The following KCNK12 variants were observed in gnomAD, a reference collection of about 807,000 sequenced individuals.
KCNK12 encodes potassium two pore domain channel subfamily K member 12, also known as potassium channel subfamily K member 12.
A neutral mutation model predicts 25.3 loss-of-function variants in KCNK12; 6 were observed. The observed-to-expected ratio is 0.24, with a 90% CI of 0.13 to 0.47. The LOEUF (loss-of-function observed/expected upper bound fraction) is 0.47. KCNK12 is among the 20% of genes least tolerant of loss of function. KCNK12 has a pLI of 0.99. For missense variants in KCNK12, 444 were observed against 661.7 expected, an observed-to-expected ratio of 0.67 and a Z score of 3.61; for synonymous variants, 331 against 311.1, an observed-to-expected ratio of 1.06 and a Z score of -0.67.
chr2:47,515,470 A>G lies in KCNK12; in HGVS notation c.*5437T>C, dbSNP rs1257856281. Among the ~76,000 whole-genome samples, 2 of 152,230 alleles carry G rather than the reference A, an allele frequency of 1.3e-5. No individual in the cohort carries two copies. Among genetic ancestry groups the G allele is most frequent in the African/African-American group, 2.4e-5 (1 of 41,458 alleles). Reference sequence around the variant, plus strand: ...CCTCCAGCATAAATGGGTTAAAACAAGACAAAACAAAACAATACCAGAATG... The same window carrying G: ...CCTCCAGCATAAATGGGTTAAAACAGGACAAAACAAAACAATACCAGAATG... On this transcript the variant is annotated 3_prime_UTR_variant, in exon 2 of 2. Coordinates refer to ENST00000327876, the MANE Select transcript of KCNK12 (RefSeq NM_022055.2).
intron 1 of KCNK12, among the ~76,000 whole-genome samples, chr2:47,541,238 G>C (rs141604884): frequency 0.01 from 1,594 of 152,258 alleles, 11 homozygotes; most frequent in Non-Finnish European, 0.016. Context: ...AAGCCTGTTG[G>C]GAGCCTGCTA....
intron 1 of KCNK12, among the ~76,000 whole-genome samples, chr2:47,558,977 T>A (rs762954341): frequency 1.3e-5 from 2 of 152,212 alleles, no homozygotes; most frequent in African/African-American, 2.4e-5. Flanking sequence ...AGAGGTGGAA[T>A]TGAGCAGGGC....
At position 47,514,346 on chromosome 2, in the gene KCNK12, G is replaced by A. The variant is rs1280532131; in HGVS notation, c.*6561C>T. ...GGCCGTACTGCAGCGCCCTGCCCCC[G>A]TCAGCCTCCAGGAGCCTGGAGTCCA... is the stretch of plus-strand genomic sequence containing the variant. On this transcript the variant is annotated 3_prime_UTR_variant, in exon 2 of 2. Coordinates refer to ENST00000327876, the MANE Select transcript of KCNK12 (RefSeq NM_022055.2). This position sits in a 1 kb window ranked among gnomAD's most constrained non-coding sequence, Gnocchi z 5.0. Among the ~76,000 whole-genome samples, 3 of 152,174 alleles carry A rather than the reference G, an allele frequency of 2.0e-5. No homozygotes were observed. The highest frequency in any genetic ancestry group is 2.1e-4 in the South Asian group (1 of 4,832).
Position 47,570,465 on chromosome 2 carries a change from A to G in KCNK12, c.-134T>C. ...GCGGAGCCCCTCGCCGCCTTCGCAG[A>G]GCCCCTCGTCGCCTTCCCAGAGCCC... On this transcript the variant is annotated 5_prime_UTR_variant, in exon 1 of 2. Transcript: ENST00000327876. The G allele has an allele frequency of 5.2e-6, 5 of 965,140 alleles. No individual in the cohort carries two copies. Among genetic ancestry groups the G allele is most frequent in the Non-Finnish European group, 6.6e-6 (5 of 758,184 alleles). The allele number at this position is 965,140 out of a possible 1,614,324, so 59.8% of individuals were successfully genotyped here.
At chr2:47,546,710 A>G (rs958234617) in intron 1 of KCNK12, among the ~76,000 whole-genome samples, 3 of 152,206 alleles carry the variant, frequency 2.0e-5, no homozygotes, top group South Asian at 2.1e-4. Context: ...AATTACCTCA[A>G]TTTACCTACT....
intron 1 of KCNK12, among the ~76,000 whole-genome samples, chr2:47,549,026 G>C (rs954979158): frequency 3.3e-5 from 5 of 152,184 alleles, no homozygotes; most frequent in African/African-American, 9.7e-5. Context: ...ATAACAATCT[G>C]TGCAGGTACA....
At position 47,521,771 on chromosome 2, in the gene KCNK12, C is replaced by A; in HGVS notation, c.429G>T (p.Lys143Asn). ...GMTTPATVGGKAFLIAYGLFG... is the reference protein window; with the variant it reads ...GMTTPATVGGNAFLIAYGLFG... ...ACAGCCCGTAGGCGATGAGGAAGGC[C>A]TTCCCGCCCACCGTCGCGGGGGTGG... The change falls in exon 2 of 2, where the codon AAG (lysine) becomes AAT (asparagine). Residue 143 changes from lysine (K) to asparagine (N), a missense_variant. Physicochemically the swap from Lys to Asn is moderately conservative, Grantham distance 94. Coordinates refer to ENST00000327876, the MANE Select transcript of KCNK12 (RefSeq NM_022055.2). 1 of 1,536,190 alleles carries A rather than the reference C, an allele frequency of 6.5e-7. No homozygotes were observed. The highest frequency in any genetic ancestry group is 1.3e-5 in the South Asian group (1 of 77,290).
In KCNK12 at chr2:47,547,796, C is replaced by T. The variant is rs1669344316; in HGVS notation, c.391+22145G>A. ...TATTTTTAGTAGAGAGGGGGTTTCA[C>T]CGTGTTGGCCAGGCTGGTCTCGAAC... On this transcript the variant is annotated intron_variant, in intron 1 of 1. Transcript: ENST00000327876. The surrounding 1 kb of genome is among the most constrained non-coding windows in gnomAD (Gnocchi z 5.0). Among the ~76,000 whole-genome samples the T allele has an allele frequency of 6.6e-6, 1 of 152,114 alleles. No homozygotes were observed. Among genetic ancestry groups the T allele is most frequent in the African/African-American group, 2.4e-5 (1 of 41,388 alleles).
Position 47,521,342 on chromosome 2 carries a change from G to C in KCNK12, c.858C>G (p.Leu286=). The change falls in exon 2 of 2, where the codon CTC becomes CTG. Residue 286 remains leucine, a synonymous_variant. Transcript: ENST00000327876. ...YRLGNFLFIL[L]GVCCIYSLFN... is the part of the protein sequence containing the mutation. ...AGAGCGAGTAAATGCAGCACACGCC[G>C]AGCAGGATGAAGAGGAAGTTGCCCA... 1 of 1,613,576 alleles carries C rather than the reference G, an allele frequency of 6.2e-7. No individual in the cohort carries two copies. Among genetic ancestry groups the C allele is most frequent in the Non-Finnish European group, 8.5e-7 (1 of 1,179,856 alleles).
chr2:47,566,619 G>A lies in KCNK12; in HGVS notation c.391+3322C>T, dbSNP rs1302727821. 6.6e-6 allele frequency: 1 copy of A among 152,148 alleles called. No homozygotes were observed. Among genetic ancestry groups the A allele is most frequent in the Non-Finnish European group, 1.5e-5 (1 of 68,042 alleles). The allele number at this position is 152,148 out of a possible 1,614,324, so 9.4% of individuals were successfully genotyped here. A position where few individuals can be genotyped will look rare whatever the true frequency, so the allele number is the denominator to read the frequency against. On this transcript the variant is annotated intron_variant, in intron 1 of 1. Coordinates refer to ENST00000327876, the MANE Select transcript of KCNK12 (RefSeq NM_022055.2). This position sits in a 1 kb window ranked among gnomAD's most constrained non-coding sequence, Gnocchi z 4.1. ...TCTAACTTGTCTGGCCTGTAAATCTGTCTTGTCCTTCAAGTTTTCTCTGGA... is the reference window on the plus strand; with the variant it reads ...TCTAACTTGTCTGGCCTGTAAATCTATCTTGTCCTTCAAGTTTTCTCTGGA...
chr2:47,568,000 T>C (rs190804306), intron 1 of KCNK12, among the ~76,000 whole-genome samples: 36 of 152,260 alleles, frequency 2.4e-4, no homozygotes, highest in African/African-American at 8.4e-4. Flanking sequence ...GACAGATTGA[T>C]GGAGCTCATC....
chr2:47,540,525 C>T lies in KCNK12; in HGVS notation c.392-18717G>A, dbSNP rs1345318610. Among the ~76,000 whole-genome samples the T allele has an allele frequency of 3.3e-5, 5 of 152,244 alleles. No homozygotes were observed. Among genetic ancestry groups the T allele is most frequent in the African/African-American group, 9.6e-5 (4 of 41,464 alleles). ...GAAGTGCCTTCAGTCAGATTTAGCG[C>T]TCCATCTTCTGCCTTTCTGAAGGGA... is the stretch of plus-strand genomic sequence containing the variant. On this transcript the variant is annotated intron_variant, in intron 1 of 1. Transcript: ENST00000327876. The surrounding 1 kb of genome is among the most constrained non-coding windows in gnomAD (Gnocchi z 5.4).
In KCNK12 at chr2:47,548,337, A is replaced by T. The variant is rs1296184002; in HGVS notation, c.391+21604T>A. On this transcript the variant is annotated intron_variant, in intron 1 of 1. Transcript: ENST00000327876. This position sits in a 1 kb window ranked among gnomAD's most constrained non-coding sequence, Gnocchi z 4.4. ...TGAGTTCTAGACTGGCCTATCCACT[A>T]TCTAACTGGCACCCGGCTTGGAAGT... Among the ~76,000 whole-genome samples, 1 of 152,286 alleles carries T rather than the reference A, an allele frequency of 6.6e-6. No individual in the cohort carries two copies. Among genetic ancestry groups the T allele is most frequent in the East Asian group, 1.9e-4 (1 of 5,180 alleles).
At chr2:47,567,585 C>G (rs1326136463) in intron 1 of KCNK12, among the ~76,000 whole-genome samples, 5 of 152,172 alleles carry the variant, frequency 3.3e-5, no homozygotes, top group Non-Finnish European at 7.3e-5. Context: ...GAACCACTGA[C>G]CCCAGAATAT....
Position 47,516,013 on chromosome 2 carries a change from C to G in KCNK12, c.*4894G>C, listed in dbSNP as rs1024143727. ...AGTTCCTAGCCCCTCACTTATTTCT[C>G]GTAAGACCGCTGGGAGGTGGGGGGA... On this transcript the variant is annotated 3_prime_UTR_variant, in exon 2 of 2. Coordinates refer to ENST00000327876, the MANE Select transcript of KCNK12 (RefSeq NM_022055.2). Among the ~76,000 whole-genome samples, 1 of 152,108 alleles carries G rather than the reference C, an allele frequency of 6.6e-6. No homozygotes were observed. Among genetic ancestry groups the G allele is most frequent in the Non-Finnish European group, 1.5e-5 (1 of 68,012 alleles).
rs543952831 is a variant in KCNK12, at chr2:47,550,173, A to G, written c.391+19768T>C. Among the ~76,000 whole-genome samples, 186 of 152,286 alleles carry G rather than the reference A, an allele frequency of 1.2e-3. 2 individuals carry two copies. The highest frequency in any genetic ancestry group is 1.8e-3 in the Non-Finnish European group (125 of 68,030). On this transcript the variant is annotated intron_variant, in intron 1 of 1. Transcript: ENST00000327876. ...AAAAAGAGAGGATAGGGTAGCAAAA[A>G]TAATATTTGAAGCAATAATGTCAAT...
chr2:47,509,557 T>C lies in KCNK12; in HGVS notation c.*11350A>G, dbSNP rs112433265. 7.8e-3 allele frequency among the ~76,000 whole-genome samples: 1,193 copies of C among 152,340 alleles called. 10 individuals are homozygous for C. The highest frequency in any genetic ancestry group is 0.027 in the African/African-American group (1,127 of 41,568). On this transcript the variant is annotated 3_prime_UTR_variant, in exon 2 of 2. Transcript: ENST00000327876. ...GGTGCAGGATTGTGGTGTCCAGGTG[T>C]CTCTCCTTAGCACATAAGACCCTGT... is the stretch of plus-strand genomic sequence containing the variant.
At position 47,521,549 on chromosome 2, in the gene KCNK12, C is replaced by T; in HGVS notation, c.651G>A (p.Leu217=). 1 of 1,561,842 alleles carries T rather than the reference C, an allele frequency of 6.4e-7. No homozygotes were observed. The highest frequency in any genetic ancestry group is 8.7e-7 in the Non-Finnish European group (1 of 1,153,158). ...GCACGGCGAACAGGCCCAGGATGAGCAGCACGTGGTACACCGAGGGCTTCC... is the reference window on the plus strand; with the variant it reads ...GCACGGCGAACAGGCCCAGGATGAGTAGCACGTGGTACACCGAGGGCTTCC... ...AGWKPSVYHV[L]LILGLFAVLL... The change falls in exon 2 of 2, where the codon CTG becomes CTA. Residue 217 remains leucine (L), a synonymous_variant. Coordinates refer to ENST00000327876, the MANE Select transcript of KCNK12 (RefSeq NM_022055.2).
At chr2:47,552,922 G>T (rs1283448940) in intron 1 of KCNK12, among the ~76,000 whole-genome samples, 1 of 152,182 alleles carries the variant, frequency 6.6e-6, no homozygotes, top group Non-Finnish European at 1.5e-5. Context: ...CTTGTTGAGT[G>T]CCGATAACCA....
Sources: allele counts gnomAD v4.1 joint callset (sites outside exome capture counted in the v4.1 genomes callset), GRCh38; gene constraint gnomAD v4.1.1; non-coding constraint Gnocchi (gnomAD v3.1); transcripts MANE v1.5; gene names NCBI Gene and HGNC (gene_info 2026-07-23, HGNC 2026-07-21).